The following COL23A1 variants were observed in gnomAD, a reference collection of about 807,000 sequenced individuals.
COL23A1 encodes the protein collagen alpha-1(XXIII) chain.
Under a neutral mutation model 99.3 loss-of-function variants are expected in COL23A1, and 97 were observed. That is an observed-to-expected ratio of 0.98 (90% CI 0.83 to 1.16). The LOEUF (loss-of-function observed/expected upper bound fraction) is 1.16, where lower values mean the gene tolerates loss of function less well. Ranked by LOEUF, COL23A1 falls within the 50% of genes most tolerant of loss-of-function variation. The pLI is 0.00. For synonymous variants in COL23A1, 320 were observed against 308.2 expected (o/e 1.04, Z -0.40); for missense variants, 762 against 757.4 (o/e 1.01, Z -0.07).
rs1194633262 is a variant in COL23A1 at position 178,307,982 on chromosome 5, G to A, written c.362-1063C>T. Among the ~76,000 whole-genome samples the A allele has an allele frequency of 2.0e-5, 3 of 152,078 alleles. No individual in the cohort carries two copies. Among genetic ancestry groups the A allele is most frequent in the Non-Finnish European group, 4.4e-5 (3 of 68,022 alleles). On this transcript the variant is annotated intron_variant, in intron 2 of 28. Transcript: ENST00000390654. The surrounding 1 kb of genome is among the most constrained non-coding windows in gnomAD (Gnocchi z 4.2). ...GAGACTGGCCCCGATCGCGTCTGTG[G>A]CAGGATGGAAAAATGAGTGTGGGTG...
chr5:178,329,093 C>T (rs1222213378), intron 2 of COL23A1, among the ~76,000 whole-genome samples: 2 of 152,202 alleles, frequency 1.3e-5, no homozygotes, highest in Non-Finnish European at 2.9e-5. Context: ...AGCCCCCCTC[C>T]AGGTGGCCAA....
chr5:178,429,881 C>T (rs1766164743), intron 2 of COL23A1, among the ~76,000 whole-genome samples: 1 of 152,184 alleles, frequency 6.6e-6, no homozygotes, highest in Non-Finnish European at 1.5e-5. Flanking sequence ...CTAACCCCAC[C>T]TCCCTCTGCA....
At chr5:178,437,392 C>A (rs1378832607) in intron 2 of COL23A1, among the ~76,000 whole-genome samples, 7 of 152,146 alleles carry the variant, frequency 4.6e-5, no homozygotes, top group African/African-American at 1.7e-4. Context: ...GTTGCAGGAG[C>A]AGAACTGAGC....
intron 2 of COL23A1, among the ~76,000 whole-genome samples, chr5:178,447,908 C>T (rs1414602979): frequency 4.6e-5 from 7 of 152,072 alleles, no homozygotes; most frequent in Non-Finnish European, 4.4e-5. Flanking sequence ...CTGGTTGGGG[C>T]AATGAGCTGA....
chr5:178,502,506 A>G (rs76893747), intron 2 of COL23A1, among the ~76,000 whole-genome samples: 5,977 of 152,302 alleles, frequency 0.039, 155 homozygotes, highest in Middle Eastern at 0.13. Context: ...AAAGATCCTC[A>G]GTGTCCTTAG....
At chr5:178,529,137 G>A (rs1023641232) in intron 2 of COL23A1, among the ~76,000 whole-genome samples, 5 of 152,206 alleles carry the variant, frequency 3.3e-5, no homozygotes, top group South Asian at 4.1e-4. Context: ...TGGCCTTGTC[G>A]TCCAAGGACT....
intron 2 of COL23A1, among the ~76,000 whole-genome samples, chr5:178,482,235 G>C (rs1757379709): frequency 6.6e-6 from 1 of 151,920 alleles, no homozygotes; most frequent in South Asian, 2.1e-4. Context: ...AACCAATTGT[G>C]GTGTATACAT....
Position 178,344,575 on chromosome 5 carries a change from G to A in COL23A1, c.362-37656C>T, listed in dbSNP as rs544887382. ...CCAGAATCGCTTGAACCTGGGAGGC[G>A]GAGGTTGCAGTGAGCCGACATCATG... is the stretch of plus-strand genomic sequence containing the variant. On this transcript the variant is annotated intron_variant, in intron 2 of 28. Transcript: ENST00000390654. Among the ~76,000 whole-genome samples the A allele has an allele frequency of 1.6e-4, 25 of 152,206 alleles. No individual in the cohort carries two copies. The East Asian group carries it at 1.9e-3, about 12-fold the overall frequency.
chr5:178,266,802 C>T (rs1339703021), intron 8 of COL23A1, among the ~76,000 whole-genome samples: 2 of 152,236 alleles, frequency 1.3e-5, no homozygotes, highest in East Asian at 1.9e-4. Context: ...GCTGCAGCCC[C>T]GCTCTCCGCA....
At chr5:178,287,565 A>T (rs1018458417) in intron 5 of COL23A1, among the ~76,000 whole-genome samples, 6 of 151,688 alleles carry the variant, frequency 4.0e-5, no homozygotes, top group Admixed American at 3.9e-4. Flanking sequence ...ACCGGGGACC[A>T]CCGCTCTCTA....
rs527878884 is a variant in COL23A1 at position 178,313,216 on chromosome 5, C to T, written c.362-6297G>A. Among the ~76,000 whole-genome samples the T allele has an allele frequency of 2.0e-5, 3 of 152,186 alleles. No individual in the cohort carries two copies. Among genetic ancestry groups the T allele is most frequent in the Admixed American group, 1.3e-4 (2 of 15,294 alleles). On this transcript the variant is annotated intron_variant, in intron 2 of 28. Transcript: ENST00000390654. This position sits in a 1 kb window ranked among gnomAD's most constrained non-coding sequence, Gnocchi z 4.2. ...GCTAGGGGAGGCGAGACTGGGAAGT[C>T]GGTGGGCCCAGAGACTCCGTTTTGC... is the stretch of plus-strand genomic sequence containing the variant.
chr5:178,464,560 G>A (rs1246714109), intron 2 of COL23A1, among the ~76,000 whole-genome samples: 1 of 152,268 alleles, frequency 6.6e-6, no homozygotes, highest in Non-Finnish European at 1.5e-5. Flanking sequence ...GTTGCTATTC[G>A]TAAGGTCCAG....
rs1213651969 is a variant in COL23A1, at chr5:178,313,070, C to T, written c.362-6151G>A. On this transcript the variant is annotated intron_variant, in intron 2 of 28. Coordinates refer to ENST00000390654, the MANE Select transcript of COL23A1 (RefSeq NM_173465.4). This position sits in a 1 kb window ranked among gnomAD's most constrained non-coding sequence, Gnocchi z 4.2. Reference sequence around the variant, plus strand: ...CATGATGGGCCTGGAGGACGTCACGCGATGGGAAGTAAGCCAGACACAGAA... The same window carrying T: ...CATGATGGGCCTGGAGGACGTCACGTGATGGGAAGTAAGCCAGACACAGAA... 1.3e-5 allele frequency among the ~76,000 whole-genome samples: 2 copies of T among 152,106 alleles called. No homozygotes were observed. The highest frequency in any genetic ancestry group is 4.8e-5 in the African/African-American group (2 of 41,412).
At chr5:178,557,162 G>A (rs921192864) in intron 2 of COL23A1, among the ~76,000 whole-genome samples, 6 of 152,030 alleles carry the variant, frequency 3.9e-5, no homozygotes, top group Non-Finnish European at 7.4e-5. Context: ...GCTGGCACAC[G>A]CAGCACGCCA....
intron 2 of COL23A1, among the ~76,000 whole-genome samples, chr5:178,547,292 C>T (rs551284297): frequency 2.6e-5 from 4 of 151,948 alleles, no homozygotes; most frequent in Non-Finnish European, 5.9e-5. Flanking sequence ...AGCCCTGGCC[C>T]AAGTCACCTC....
intron 2 of COL23A1, among the ~76,000 whole-genome samples, chr5:178,339,344 C>T (rs531692399): frequency 6.6e-6 from 1 of 152,362 alleles, no homozygotes; most frequent in African/African-American, 2.4e-5. Flanking sequence ...AAAACCTTCT[C>T]TGGCCCTGCC....
intron 2 of COL23A1, among the ~76,000 whole-genome samples, chr5:178,495,641 T>C (rs1221119696): frequency 6.6e-6 from 1 of 151,678 alleles, no homozygotes; most frequent in Non-Finnish European, 1.5e-5. Context: ...ACCATAGGGA[T>C]GGAAGAAGCT....
chr5:178,265,250 C>CT (rs1469248021), intron 8 of COL23A1, among the ~76,000 whole-genome samples: 9 of 152,244 alleles, frequency 5.9e-5, no homozygotes, highest in Admixed American at 5.9e-4. Context: ...TCCCCTTGGT[C>CT]TGGCAGGGCC....
chr5:178,453,839 T>C (rs1452739913), intron 2 of COL23A1, among the ~76,000 whole-genome samples: 1 of 152,190 alleles, frequency 6.6e-6, no homozygotes, highest in Non-Finnish European at 1.5e-5. Flanking sequence ...GATTCCATAC[T>C]GACTCTCAAA....
Sources: gnomAD v4.1 joint callset for allele counts (sites outside exome capture counted in the v4.1 genomes callset) on GRCh38, gnomAD v4.1.1 for gene constraint, Gnocchi (gnomAD v3.1) non-coding constraint, MANE v1.5 for transcripts, NCBI Gene and HGNC (gene_info 2026-07-23, HGNC 2026-07-21) for gene names.